Variants in DZIP1 observed in about 807,000 individuals in gnomAD.
DZIP1 encodes the protein DAZ interacting zinc finger protein 1, also known as cilium assembly protein DZIP1.
A neutral mutation model predicts 107.6 loss-of-function variants in DZIP1; 97 were observed. That is an observed-to-expected ratio of 0.90 (90% CI 0.77 to 1.07). The LOEUF (loss-of-function observed/expected upper bound fraction) is 1.07, where lower values mean the gene tolerates loss of function less well. DZIP1 is among the 50% of genes least tolerant of loss of function. DZIP1 has a pLI of 0.00. For missense variants in DZIP1, 1,035 were observed against 1,063.6 expected (o/e 0.97, Z 0.37); for synonymous variants, 390 against 386.4 (o/e 1.01, Z -0.11).
intron 19 of DZIP1, 118 bp from the exon 20 acceptor site, chr13:95,587,847 CAAG>C (rs2138789366): frequency 7.8e-7 from 1 of 1,287,686 alleles, no homozygotes; most frequent in East Asian, 2.5e-5. Context: ...TCAGTGGGCA[CAAG>C]TGCCTTTGGG....
chr13:95,626,417 T>C (rs1474031501), intron 7 of DZIP1, among the ~76,000 whole-genome samples: 1 of 152,086 alleles, frequency 6.6e-6, no homozygotes, highest in Non-Finnish European at 1.5e-5. Flanking sequence ...GAGAATATAA[T>C]GAACAATTGT....
chr13:95,598,044 G>C (rs917194922), intron 15 of DZIP1, among the ~76,000 whole-genome samples: 13 of 152,090 alleles, frequency 8.5e-5, no homozygotes, highest in African/African-American at 3.1e-4. Context: ...CCCATAAGAA[G>C]GTAACAATAT....
chr13:95,624,827 T>C lies in DZIP1; in HGVS notation c.913A>G (p.Lys305Glu), dbSNP rs375181641. ...EKLVDEMEKV[K>E]EMFMKEFKEL... ...TTAAATTCCTTCATAAACATCTCCT[T>C]GACTTTTTCCATTTCATCAACTAGT... Residue 305 changes from lysine to glutamate, a missense_variant, in exon 8 of 23, where the codon AAG becomes GAG. Coordinates refer to ENST00000376829, the MANE Select transcript of DZIP1 (RefSeq NM_198968.4). The C allele has an allele frequency of 1.2e-6, 2 of 1,611,498 alleles. No individual in the cohort carries two copies. The highest frequency in any genetic ancestry group is 1.7e-6 in the Non-Finnish European group (2 of 1,178,352).
At chr13:95,634,178 C>T (rs548641289) in intron 5 of DZIP1, among the ~76,000 whole-genome samples, 1 of 152,276 alleles carries the variant, frequency 6.6e-6, no homozygotes, top group South Asian at 2.1e-4. Flanking sequence ...CATTGTTGCC[C>T]CTGCCTGATC....
rs771444041 is a variant in DZIP1 at position 95,612,116 on chromosome 13, A to G, written c.1235T>C (p.Val412Ala). 1.9e-6 allele frequency: 3 copies of G among 1,613,670 alleles called. No individual in the cohort carries two copies. The highest frequency in any genetic ancestry group is 2.2e-5 in the East Asian group (1 of 44,884). Residue 412 changes from valine to alanine, a missense_variant, in exon 11 of 23, where the codon GTT becomes GCT. By Grantham distance (64) the Val-to-Ala change is moderately conservative (BLOSUM62 0). Transcript: ENST00000376829. ...SMIDDLNASN[V>A]FYKKRIEELG... ...CTCTTCTATCCTTTTCTTATAGAAAACATTGCTTGCATTTAGATCATCTAT... is the reference window on the plus strand; with the variant it reads ...CTCTTCTATCCTTTTCTTATAGAAAGCATTGCTTGCATTTAGATCATCTAT...
intron 15 of DZIP1, among the ~76,000 whole-genome samples, chr13:95,595,810 G>C (rs2044436610): frequency 6.6e-6 from 1 of 152,138 alleles, no homozygotes; most frequent in Admixed American, 6.5e-5. Flanking sequence ...GAGGCTCTGG[G>C]CCCTGTTTTC....
At position 95,579,642 on chromosome 13, in the gene DZIP1, C is replaced by A. The variant is rs2043986897; in HGVS notation, c.*2592G>T. ...ACAACGTGGGTGAATGTAGTATTTT[C>A]CTGAAGTGTGAAAGACTTAAAAAAA... On this transcript the variant is annotated 3_prime_UTR_variant, in exon 23 of 23. Coordinates refer to ENST00000376829, the MANE Select transcript of DZIP1 (RefSeq NM_198968.4). The A allele has an allele frequency of 6.6e-6, 1 of 151,946 alleles. No individual in the cohort carries two copies. Among genetic ancestry groups the A allele is most frequent in the Non-Finnish European group, 1.5e-5 (1 of 68,012 alleles). The allele number at this position is 151,946 out of a possible 1,614,324, so 9.4% of individuals were successfully genotyped here.
intron 22 of DZIP1, 92 bp downstream of exon 22, chr13:95,584,644 A>T (rs2044106579): frequency 6.7e-7 from 1 of 1,503,566 alleles, no homozygotes; most frequent in Non-Finnish European, 8.9e-7. Context: ...GTCTGATGAT[A>T]TACCAGCATA....
chr13:95,622,378 C>T lies in DZIP1; in HGVS notation c.1075G>A (p.Asp359Asn), dbSNP rs1016275069. The T allele has an allele frequency of 6.2e-7, 1 of 1,614,214 alleles. No individual in the cohort carries two copies. The highest frequency in any genetic ancestry group is 1.3e-5 in the African/African-American group (1 of 75,052). Residue 359 changes from aspartate to asparagine, a missense_variant, in exon 9 of 23, where the codon GAT becomes AAT. Asp to Asn is a conservative substitution (Grantham distance 23). Transcript: ENST00000376829. ...FKEDRSPYPQ[D>N]FHNVMQLLDS... Reference sequence around the variant, plus strand: ...AGAAGCTGCATGACATTATGGAAATCCTGGGGATATGGAGAACGGTCTTCT... The same window carrying T: ...AGAAGCTGCATGACATTATGGAAATTCTGGGGATATGGAGAACGGTCTTCT...
In DZIP1 at chr13:95,610,712, G is replaced by A. The variant is rs573457315; in HGVS notation, c.1363+733C>T. 2.6e-5 allele frequency among the ~76,000 whole-genome samples: 4 copies of A among 152,258 alleles called. No individual in the cohort carries two copies. In the East Asian group the frequency reaches 5.8e-4, roughly 22 times the overall value. ...CAAGCCTATGATATAGTTACTATTT[G>A]CTATGACTTGAATGTCCCCTCAGAA... is the stretch of plus-strand genomic sequence containing the variant. On this transcript the variant is annotated intron_variant, in intron 12 of 22. Transcript: ENST00000376829.
chr13:95,603,137 T>C (rs1276367710), intron 14 of DZIP1, among the ~76,000 whole-genome samples: 4 of 151,676 alleles, frequency 2.6e-5, no homozygotes, highest in African/African-American at 9.7e-5. Context: ...CTGGGCAACA[T>C]AATGAAATGC....
intron 9 of DZIP1, among the ~76,000 whole-genome samples, chr13:95,621,456 A>C (rs1258809530): frequency 6.6e-6 from 1 of 152,182 alleles, no homozygotes; most frequent in Admixed American, 6.5e-5. Flanking sequence ...ACATGTGAGC[A>C]CTGAAGCAAG....
At chr13:95,613,698 T>C (rs1874674031) in intron 10 of DZIP1, among the ~76,000 whole-genome samples, 1 of 152,204 alleles carries the variant, frequency 6.6e-6, no homozygotes, top group African/African-American at 2.4e-5. Flanking sequence ...CATTGTGTAC[T>C]AGATGCACTT....
rs537526144 is a variant in DZIP1 at position 95,609,577 on chromosome 13, C to T, written c.1364-64G>A. ...AAGCTATGGATTAAATTTTTGTAGC[C>T]CTTATACTAATTTGAGCCCCCATAA... On this transcript the variant is annotated intron_variant, in intron 12 of 22. Coordinates refer to ENST00000376829, the MANE Select transcript of DZIP1 (RefSeq NM_198968.4). 22 of 1,248,256 alleles carry T rather than the reference C, an allele frequency of 1.8e-5. 1 individual carries two copies. The African/African-American group carries it at 3.1e-4, about 17-fold the overall frequency. 77.3% of individuals were successfully genotyped at this position (1,248,256 alleles called of 1,614,324 possible).
At chr13:95,637,975 A>AT (rs1386828312) in intron 5 of DZIP1, among the ~76,000 whole-genome samples, 1 of 151,778 alleles carries the variant, frequency 6.6e-6, no homozygotes, top group Non-Finnish European at 1.5e-5. Flanking sequence ...AGTCAAACAG[A>AT]TTTTCTCTGA....
Position 95,599,160 on chromosome 13 carries a change from C to T in DZIP1, c.1537+205G>A, listed in dbSNP as rs190070919. On this transcript the variant is annotated intron_variant, in intron 15 of 22. Coordinates refer to ENST00000376829, the MANE Select transcript of DZIP1 (RefSeq NM_198968.4). ...TATTTTATCTGCTTGCATAAGAATA[C>T]CACAAAGCAGGGGAAAACAGAACAG... Among the ~76,000 whole-genome samples, 12 of 152,048 alleles carry T rather than the reference C, an allele frequency of 7.9e-5. No homozygotes were observed. In the East Asian group the frequency reaches 2.3e-3, roughly 29 times the overall value.
chr13:95,626,229 A>T (rs1230832687), intron 7 of DZIP1, among the ~76,000 whole-genome samples: 1 of 152,180 alleles, frequency 6.6e-6, no homozygotes, highest in African/African-American at 2.4e-5. Context: ...AAAGAAAAAA[A>T]TTATGAAAAT....
At chr13:95,608,961 C>G (rs1038799020) in intron 13 of DZIP1, among the ~76,000 whole-genome samples, 2 of 152,250 alleles carry the variant, frequency 1.3e-5, no homozygotes, top group African/African-American at 4.8e-5. Context: ...ACAACCATCT[C>G]TCAGTTTCTC....
In DZIP1 at chr13:95,587,679, C is replaced by G; in HGVS notation, c.2078G>C (p.Arg693Pro). The change falls in exon 20 of 23, where the codon CGG becomes CCG. Residue 693 changes from arginine (R) to proline (P), a missense_variant. By Grantham distance (103) the Arg-to-Pro change is moderately radical. Transcript: ENST00000376829. ...EEEQEDDDLI[R>P]AYASPGPLPV... ...AAGTGGGCCTGGGGATGCGTATGCC[C>G]GGATGAGGTCGTCGTCCTCCTGCTC... 1 of 1,614,048 alleles carries G rather than the reference C, an allele frequency of 6.2e-7. No homozygotes were observed. Among genetic ancestry groups the G allele is most frequent in the East Asian group, 2.2e-5 (1 of 44,870 alleles).
Sources: allele counts gnomAD v4.1 joint callset (sites outside exome capture counted in the v4.1 genomes callset), GRCh38; gene constraint gnomAD v4.1.1; transcripts MANE v1.5; gene names NCBI Gene and HGNC (gene_info 2026-07-23, HGNC 2026-07-21).